MICU3: variants seen among roughly 807,000 people sequenced by gnomAD.
The protein encoded by MICU3 is calcium uptake protein 3, mitochondrial.
In MICU3, 62 loss-of-function variants were observed where a neutral mutation model predicts 66.5. That is an observed-to-expected ratio of 0.93 (90% confidence interval 0.76 to 1.15). MICU3 has a LOEUF of 1.15. Ranked by LOEUF, MICU3 falls within the 50% of genes most tolerant of loss-of-function variation. The pLI is 0.00. For synonymous variants in MICU3, 308 were observed against 240.7 expected (o/e 1.28, Z -2.59); for missense variants, 779 against 664.4 (o/e 1.17, Z -1.90).
At chr8:17,101,372 A>T (rs1452656935) in intron 9 of MICU3, among the ~76,000 whole-genome samples, 1 of 151,810 alleles carries the variant, frequency 6.6e-6, no homozygotes, top group Non-Finnish European at 1.5e-5. Context: ...GGACACTGGT[A>T]TAGTTTTCAG....
chr8:17,099,988 G>A (rs1013984622), intron 9 of MICU3, among the ~76,000 whole-genome samples: 2 of 151,876 alleles, frequency 1.3e-5, no homozygotes, highest in South Asian at 2.1e-4. Context: ...CAGTTCCTGT[G>A]TACTCAGAGA....
At chr8:17,029,402 G>C (rs1254166460) in intron 1 of MICU3, among the ~76,000 whole-genome samples, 2 of 152,150 alleles carry the variant, frequency 1.3e-5, no homozygotes, top group African/African-American at 4.8e-5. Context: ...CTTGAACCTG[G>C]GAGACAGAGG....
chr8:17,076,083 G>A (rs1274482309), intron 3 of MICU3, among the ~76,000 whole-genome samples: 1 of 152,086 alleles, frequency 6.6e-6, no homozygotes. Flanking sequence ...CTGGAGTGCA[G>A]TGGTGTGATC....
intron 13 of MICU3, among the ~76,000 whole-genome samples, chr8:17,118,488 A>C (rs978967084): frequency 7.2e-5 from 11 of 152,222 alleles, no homozygotes; most frequent in African/African-American, 2.7e-4. Context: ...CTTACTGCAC[A>C]ATAGATCTCA....
rs116617698 is a variant in MICU3 at position 17,114,255 on chromosome 8, A to G, written c.1366+54A>G. The stretch of plus-strand genomic sequence containing the variant: ...CAAGAAGTAATACTACATTGTTTCT[A>G]TAGATTTTGGCAACCAATTAATTAA... On this transcript the variant is annotated intron_variant, in intron 12 of 14. Transcript: ENST00000318063. The G allele has an allele frequency of 2.6e-4, 316 of 1,198,440 alleles. No homozygotes were observed. In the African/African-American group the frequency reaches 4.1e-3, roughly 15 times the overall value. The allele number at this position is 1,198,440 out of a possible 1,614,324, so 74.2% of individuals were successfully genotyped here.
At chr8:17,085,752 A>C (rs1320577484) in intron 6 of MICU3, among the ~76,000 whole-genome samples, 1 of 151,912 alleles carries the variant, frequency 6.6e-6, no homozygotes, top group South Asian at 2.1e-4. Context: ...CTTGCATTCC[A>C]GTCTTGTCCC....
intron 5 of MICU3, 104 bp from the exon 6 acceptor site, chr8:17,085,132 C>G (rs1047918784): frequency 7.4e-6 from 5 of 679,018 alleles, no homozygotes; most frequent in Non-Finnish European, 1.3e-5. Flanking sequence ...TTTCTACTAT[C>G]TTTAACCAAT....
intron 11 of MICU3, among the ~76,000 whole-genome samples, chr8:17,106,520 A>G (rs1801752712): frequency 6.7e-6 from 1 of 148,156 alleles, no homozygotes; most frequent in African/African-American, 2.5e-5. Context: ...CCAGCTACTG[A>G]GGTATTACTT....
At chr8:17,132,127 A>G in the MICU3 span, 1 of 152,238 alleles carries the variant, frequency 6.6e-6, no homozygotes. Context: ...TCTGTTGCCC[A>G]AAGACTAATT....
intron 9 of MICU3, among the ~76,000 whole-genome samples, chr8:17,103,380 C>T (rs545549702): frequency 4.0e-5 from 6 of 151,866 alleles, no homozygotes; most frequent in African/African-American, 1.5e-4. Context: ...CTTATGTTTT[C>T]TATGGAGTAC....
intron 13 of MICU3, among the ~76,000 whole-genome samples, chr8:17,116,929 A>G (rs1307953995): frequency 6.6e-6 from 1 of 152,156 alleles, no homozygotes; most frequent in African/African-American, 2.4e-5. Context: ...CGGACTTGTT[A>G]CTATACAAAT....
intron 1 of MICU3, among the ~76,000 whole-genome samples, chr8:17,032,647 G>A (rs537830430): frequency 2.0e-5 from 3 of 152,308 alleles, no homozygotes; most frequent in Admixed American, 6.5e-5. Context: ...ATCTTGAGAT[G>A]TGAGGATATA....
rs762101069 is a variant in MICU3 at position 17,118,706 on chromosome 8, G to C, written c.1525-1G>C. On this transcript the variant is annotated splice_acceptor_variant, in intron 13 of 14. Coordinates refer to ENST00000318063, the MANE Select transcript of MICU3 (RefSeq NM_181723.3). LOFTEE classifies it high-confidence loss of function. ...GCACACTTTGCTCTTCTGTTTTACAGGGTTATAAAACAGTCCAGAAGTACC... is the reference window on the plus strand; with the variant it reads ...GCACACTTTGCTCTTCTGTTTTACACGGTTATAAAACAGTCCAGAAGTACC... The C allele has an allele frequency of 1.3e-6, 2 of 1,599,052 alleles. No individual in the cohort carries two copies. Among genetic ancestry groups the C allele is most frequent in the Admixed American group, 1.7e-5 (1 of 59,588 alleles).
At chr8:17,070,144 A>G (rs1819333786) in intron 3 of MICU3, among the ~76,000 whole-genome samples, 1 of 152,100 alleles carries the variant, frequency 6.6e-6, no homozygotes, top group Non-Finnish European at 1.5e-5. Flanking sequence ...TCTAGCATAT[A>G]CCAGTGTATA....
At position 17,118,735 on chromosome 8, in the gene MICU3, CT is replaced by C. The variant is rs1174674656; in HGVS notation, c.1556del (p.Phe519SerfsTer5). ...TATAAAACAGTCCAGAAGTACCCCA[CT>C]TTCAAATCCTGCCTGAAGAAAGAAC... is the stretch of plus-strand genomic sequence containing the variant. Reference protein sequence around the residue: ...RGYKTVQKYPTFKSCLKKELH... With the variant: ...RGYKTVQKYPXFKSCLKKELH... On this transcript the variant is annotated frameshift_variant, in exon 14 of 15. Transcript: ENST00000318063. LOFTEE classifies it high-confidence loss of function. The C allele has an allele frequency of 6.2e-7, 1 of 1,612,644 alleles. No homozygotes were observed. Among genetic ancestry groups the C allele is most frequent in the Non-Finnish European group, 8.5e-7 (1 of 1,178,908 alleles).
At chr8:17,064,288 T>G in intron 2 of MICU3, 51 bp downstream of exon 2, 12 of 1,459,476 alleles carry the variant, frequency 8.2e-6, no homozygotes, top group Non-Finnish European at 1.1e-5. Flanking sequence ...TTTTTATCTC[T>G]AGCTTGTGAA....
At chr8:17,069,137 G>C (rs1053859343) in intron 2 of MICU3, among the ~76,000 whole-genome samples, 1 of 152,132 alleles carries the variant, frequency 6.6e-6, no homozygotes, top group Non-Finnish European at 1.5e-5. Context: ...ATAGTTGTAG[G>C]GAAGAGTAAT....
intron 3 of MICU3, among the ~76,000 whole-genome samples, chr8:17,074,597 G>A (rs1264186911): frequency 9.2e-6 from 1 of 108,652 alleles, no homozygotes; most frequent in African/African-American, 7.8e-5. Flanking sequence ...AAACGTGTGT[G>A]TGTGTGTGTG....
At chr8:17,137,092 G>A in the MICU3 span, among the ~76,000 whole-genome samples, 1 of 151,956 alleles carries the variant, frequency 6.6e-6, no homozygotes, top group African/African-American at 2.4e-5. Context: ...CAAAGTGCTG[G>A]GATTACAGGC....
Sources: gnomAD v4.1 joint callset for allele counts (sites outside exome capture counted in the v4.1 genomes callset) on GRCh38, gnomAD v4.1.1 for gene constraint, MANE v1.5 for transcripts, NCBI Gene and HGNC (gene_info 2026-07-23, HGNC 2026-07-21) for gene names.